SHANK2: variants seen among roughly 807,000 people sequenced by gnomAD.
SHANK2 encodes the protein SH3 and multiple ankyrin repeat domains protein 2.
In SHANK2, 43 loss-of-function variants were observed where a neutral mutation model predicts 133.7. That is an observed-to-expected ratio of 0.32 (90% CI 0.25 to 0.41). The LOEUF (loss-of-function observed/expected upper bound fraction) is 0.41. Ranked by LOEUF, SHANK2 falls within the 10% of genes least tolerant of loss-of-function variation. SHANK2 has a pLI of 1.00. For missense variants in SHANK2, 1,994 were observed against 2,235.8 expected (o/e 0.89, Z 2.18); for synonymous variants, 1,017 against 952.8 (o/e 1.07, Z -1.24).
rs77440769 is a variant in SHANK2 at position 70,738,754 on chromosome 11, C to T, written c.1778-39991G>A. ...TGACAATAGAGCCAACTAGCCAGAA[C>T]GCCCACTGTGCCAGAAGCCGCCCGC... On this transcript the variant is annotated intron_variant, in intron 14 of 25. Transcript: ENST00000601538. 6.7e-3 allele frequency among the ~76,000 whole-genome samples: 1,019 copies of T among 152,344 alleles called. 6 individuals are homozygous for T. The highest frequency in any genetic ancestry group is 0.021 in the African/African-American group (884 of 41,574).
At chr11:70,921,020 T>A (rs1482557684) in intron 10 of SHANK2, among the ~76,000 whole-genome samples, 1 of 152,182 alleles carries the variant, frequency 6.6e-6, no homozygotes, top group Non-Finnish European at 1.5e-5. Context: ...TGATTCCATG[T>A]CTGAGACAAG....
chr11:70,495,521 G>T (rs1214943299), intron 21 of SHANK2, among the ~76,000 whole-genome samples: 1 of 152,220 alleles, frequency 6.6e-6, no homozygotes, highest in East Asian at 1.9e-4. Flanking sequence ...TGTGGCCGCT[G>T]GTGGCCCCCA....
At chr11:71,102,979 C>T (rs897247633) in intron 6 of SHANK2, among the ~76,000 whole-genome samples, 4 of 152,238 alleles carry the variant, frequency 2.6e-5, no homozygotes, top group African/African-American at 9.6e-5. Flanking sequence ...TCACATAGGG[C>T]ACCTTCTTGC....
chr11:70,604,284 A>G (rs2060544062), intron 17 of SHANK2: 1 of 152,360 alleles, frequency 6.6e-6, no homozygotes, highest in Non-Finnish European at 1.5e-5. Context: ...CACGAGAGTG[A>G]AGCTGGATGC....
chr11:71,058,740 C>A (rs1214476570), intron 9 of SHANK2, among the ~76,000 whole-genome samples: 5 of 152,246 alleles, frequency 3.3e-5, no homozygotes, highest in Non-Finnish European at 7.3e-5. Flanking sequence ...CTGGACTCAA[C>A]ACTGCACAAA....
intron 2 of SHANK2, among the ~76,000 whole-genome samples, chr11:71,213,599 G>A (rs545745906): frequency 1.4e-4 from 22 of 152,270 alleles, no homozygotes; most frequent in Non-Finnish European, 2.6e-4. Context: ...GACCTAAATA[G>A]CATTGTTGAA....
intron 14 of SHANK2, among the ~76,000 whole-genome samples, chr11:70,758,153 C>G (rs548908571): frequency 1.3e-5 from 2 of 152,342 alleles, no homozygotes; most frequent in South Asian, 4.1e-4. Context: ...AGCCAATCAT[C>G]TATTGCCTGA....
intron 3 of SHANK2, among the ~76,000 whole-genome samples, chr11:71,127,182 T>C (rs1291985652): frequency 6.6e-6 from 1 of 152,172 alleles, no homozygotes; most frequent in Non-Finnish European, 1.5e-5. Context: ...TGGGACTGAA[T>C]TGCTGCAATC....
chr11:70,935,094 A>T (rs980581044), intron 10 of SHANK2, among the ~76,000 whole-genome samples: 2 of 152,214 alleles, frequency 1.3e-5, no homozygotes, highest in African/African-American at 2.4e-5. Flanking sequence ...AAACAAAAAA[A>T]AATTCCAGAA....
At chr11:71,075,065 A>T (rs1254303877) in intron 9 of SHANK2, 94 bp downstream of exon 9, 1 of 157,112 alleles carries the variant, frequency 6.4e-6, no homozygotes, top group Non-Finnish European at 1.4e-5. Context: ...GGCATGAGCC[A>T]CCGCGCCCGG....
At chr11:70,623,132 C>T (rs1367371810) in intron 17 of SHANK2, among the ~76,000 whole-genome samples, 5 of 152,060 alleles carry the variant, frequency 3.3e-5, no homozygotes, top group South Asian at 4.2e-4. Context: ...GCCAAGATCG[C>T]GCCACTGCAC....
At chr11:70,955,102 T>G (rs1184735064) in intron 10 of SHANK2, among the ~76,000 whole-genome samples, 1 of 152,246 alleles carries the variant, frequency 6.6e-6, no homozygotes, top group African/African-American at 2.4e-5. Flanking sequence ...CCTGCCCATA[T>G]TAAATTTGGG....
intron 14 of SHANK2, among the ~76,000 whole-genome samples, chr11:70,797,969 G>A (rs1947954434): frequency 6.6e-6 from 1 of 151,944 alleles, no homozygotes; most frequent in African/African-American, 2.4e-5. Flanking sequence ...TGCTATATCT[G>A]GAGGTTCTAA....
intron 10 of SHANK2, among the ~76,000 whole-genome samples, chr11:70,950,289 G>C (rs549603527): frequency 2.2e-4 from 33 of 151,936 alleles, no homozygotes; most frequent in African/African-American, 8.0e-4. Context: ...TGATTCTCCT[G>C]CCTCAGCCTC....
rs543563305 is a variant in SHANK2 at position 70,739,893 on chromosome 11, G to A, written c.1778-41130C>T. Among the ~76,000 whole-genome samples the A allele has an allele frequency of 4.4e-3, 666 of 152,350 alleles. 5 individuals are homozygous for A. Among genetic ancestry groups the A allele is most frequent in the African/African-American group, 0.015 (631 of 41,574 alleles). On this transcript the variant is annotated intron_variant, in intron 14 of 25. Coordinates refer to ENST00000601538, the MANE Select transcript of SHANK2 (RefSeq NM_012309.5). The surrounding 1 kb of genome is among the most constrained non-coding windows in gnomAD (Gnocchi z 4.3). The stretch of plus-strand genomic sequence containing the variant: ...CACGTGAAGACAGGCCAGAGCCGCC[G>A]CAGAGGATGATGATCCCGAATCCTG...
At chr11:70,605,073 A>C (rs868926774) in intron 17 of SHANK2, among the ~76,000 whole-genome samples, 3 of 152,376 alleles carry the variant, frequency 2.0e-5, no homozygotes, top group African/African-American at 7.2e-5. Flanking sequence ...GGCCTGCAGC[A>C]GCCCTCCGAG....
intron 17 of SHANK2, among the ~76,000 whole-genome samples, chr11:70,641,295 G>T (rs948907368): frequency 1.3e-5 from 2 of 152,070 alleles, no homozygotes; most frequent in Non-Finnish European, 2.9e-5. Context: ...GGGTTTCACC[G>T]TGGTAGCCAG....
chr11:70,656,482 T>C (rs2061407266), intron 17 of SHANK2, among the ~76,000 whole-genome samples: 1 of 152,078 alleles, frequency 6.6e-6, no homozygotes, highest in South Asian at 2.1e-4. Flanking sequence ...GCAGGGGCAT[T>C]CAACTTCCCG....
intron 17 of SHANK2, among the ~76,000 whole-genome samples, chr11:70,540,732 G>C (rs1338592897): frequency 6.6e-6 from 1 of 151,740 alleles, no homozygotes; most frequent in Non-Finnish European, 1.5e-5. Flanking sequence ...AAATTAGCCG[G>C]GTGTGGTGGC....
Sources: allele counts gnomAD v4.1 joint callset (sites outside exome capture counted in the v4.1 genomes callset), GRCh38; gene constraint gnomAD v4.1.1; non-coding constraint Gnocchi (gnomAD v3.1); transcripts MANE v1.5; gene names NCBI Gene and HGNC (gene_info 2026-07-23, HGNC 2026-07-21).